Variants in C10orf67 observed in about 807,000 individuals in gnomAD.
The protein encoded by C10orf67 is uncharacterized protein C10orf67, mitochondrial.
Under a neutral mutation model 35.6 loss-of-function variants are expected in C10orf67, and 60 were observed. The ratio of observed to expected loss-of-function variants is 1.68; its 90% CI spans 1.37 to 2.09. C10orf67 has a LOEUF of 2.09. Among genes scored for constraint, C10orf67 ranks in the 30% most tolerant of loss-of-function variants. The pLI, the probability that C10orf67 is intolerant of heterozygous loss-of-function variation, is 0.00. For synonymous variants in C10orf67, 167 were observed against 115.8 expected, an observed-to-expected ratio of 1.44 and a Z score of -2.84; for missense variants, 474 against 330.2, an observed-to-expected ratio of 1.44 and a Z score of -3.38.
At chr10:23,255,548 T>C (rs1237975949) in intron 10 of C10orf67, among the ~76,000 whole-genome samples, 2 of 150,854 alleles carry the variant, frequency 1.3e-5, no homozygotes, top group Non-Finnish European at 3.0e-5. Flanking sequence ...TCCTAGACCT[T>C]GTGTTCATGT....
chr10:23,293,427 G>A (rs1015805520), intron 5 of C10orf67, among the ~76,000 whole-genome samples: 1 of 152,238 alleles, frequency 6.6e-6, no homozygotes, highest in Non-Finnish European at 1.5e-5. Flanking sequence ...GTTCTGAGCT[G>A]CTACGGTGCT....
chr10:23,258,138 G>T, intron 10 of C10orf67: 1 of 152,810 alleles, frequency 6.5e-6, no homozygotes, highest in Non-Finnish European at 1.5e-5. Flanking sequence ...CATCCCCATT[G>T]CCAACCATGG....
chr10:23,241,050 G>T (rs1842165074), intron 12 of C10orf67, among the ~76,000 whole-genome samples: 1 of 152,200 alleles, frequency 6.6e-6, no homozygotes, highest in Non-Finnish European at 1.5e-5. Flanking sequence ...GTAGTGCTTT[G>T]GGCCCAGAAG....
chr10:23,304,521 G>A (rs576937539), intron 4 of C10orf67, among the ~76,000 whole-genome samples: 2 of 152,076 alleles, frequency 1.3e-5, no homozygotes, highest in African/African-American at 2.4e-5. Flanking sequence ...AAGTAGCCCC[G>A]TGACCCAGCT....
intron 2 of C10orf67, among the ~76,000 whole-genome samples, chr10:23,331,177 GGGGAAGGGAAGGGAA>G (rs1228912469): frequency 1.2e-5 from 1 of 84,422 alleles, no homozygotes; most frequent in Admixed American, 1.3e-4. Context: ...GAACCGGGAC[GGGGAAGGGAAGGGAA>G]GGGAAGGGAA....
At chr10:23,225,246 A>G (rs1021637774) in intron 13 of C10orf67, among the ~76,000 whole-genome samples, 1 of 151,794 alleles carries the variant, frequency 6.6e-6, no homozygotes, top group African/African-American at 2.4e-5. Flanking sequence ...TTTTCAACCC[A>G]GAATTTCATA....
chr10:23,289,771 G>C (rs1288031848), intron 7 of C10orf67, 129 bp downstream of exon 7: 1 of 590,052 alleles, frequency 1.7e-6, no homozygotes, highest in Admixed American at 3.1e-5. Context: ...CCAAATAGTG[G>C]GGAGAGATTA....
chr10:23,301,107 A>C (rs1844057304), intron 5 of C10orf67, among the ~76,000 whole-genome samples: 1 of 152,164 alleles, frequency 6.6e-6, no homozygotes, highest in Non-Finnish European at 1.5e-5. Context: ...TCCTCCTCCC[A>C]CTGCTTGGAG....
At chr10:23,231,568 G>A (rs559666823) in intron 13 of C10orf67, among the ~76,000 whole-genome samples, 1 of 152,252 alleles carries the variant, frequency 6.6e-6, no homozygotes, top group South Asian at 2.1e-4. Flanking sequence ...TTAAGTCAGT[G>A]TATTTTTTGT....
intron 15 of C10orf67, among the ~76,000 whole-genome samples, chr10:23,212,331 T>G (rs1306104653): frequency 1.3e-5 from 2 of 152,210 alleles, no homozygotes; most frequent in Non-Finnish European, 2.9e-5. Context: ...ACCTGGTTTG[T>G]GGTAGCTTGT....
At chr10:23,205,577 T>TTAG (rs1440804406) in intron 15 of C10orf67, among the ~76,000 whole-genome samples, 2 of 152,206 alleles carry the variant, frequency 1.3e-5, no homozygotes, top group Non-Finnish European at 2.9e-5. Flanking sequence ...AGTGGAAACT[T>TTAG]GCTAGAGTTA....
At chr10:23,336,286 T>C (rs1845678292) in intron 1 of C10orf67, among the ~76,000 whole-genome samples, 1 of 151,950 alleles carries the variant, frequency 6.6e-6, no homozygotes, top group South Asian at 2.1e-4. Context: ...ATGGGAAGAA[T>C]TGGTATGAAT....
intron 15 of C10orf67, among the ~76,000 whole-genome samples, chr10:23,216,533 G>A (rs1338591514): frequency 6.6e-6 from 1 of 152,006 alleles, no homozygotes; most frequent in Non-Finnish European, 1.5e-5. Flanking sequence ...ATGAGAAATA[G>A]CAGCTATTTA....
chr10:23,322,633 G>C, intron 2 of C10orf67, 96 bp from the exon 3 acceptor site: 1 of 731,808 alleles, frequency 1.4e-6, no homozygotes, highest in Non-Finnish European at 2.2e-6. Context: ...AAAATGATGA[G>C]AACTCATGTG....
At chr10:23,315,434 T>C (rs561004721) in intron 4 of C10orf67, among the ~76,000 whole-genome samples, 2 of 152,200 alleles carry the variant, frequency 1.3e-5, no homozygotes, top group Admixed American at 6.5e-5. Flanking sequence ...TTTTTGTTTT[T>C]TGTTTGTTTG....
rs534627234 is a variant in C10orf67, at chr10:23,300,011, G to A, written c.702+3293C>T. Among the ~76,000 whole-genome samples, 6 of 151,378 alleles carry A rather than the reference G, an allele frequency of 4.0e-5. No individual in the cohort carries two copies. In the East Asian group the frequency reaches 5.8e-4, roughly 15 times the overall value. On this transcript the variant is annotated intron_variant, in intron 5 of 15. Transcript: ENST00000636213. ...AAAAAAAAATTACTGAGAAGTCTGT[G>A]CCAGTGTCCAGGAGACAGTTAACCT... is the stretch of plus-strand genomic sequence containing the variant.
chr10:23,322,483 T>C lies in C10orf67; in HGVS notation c.382A>G (p.Lys128Glu). The C allele has an allele frequency of 6.2e-7, 1 of 1,612,630 alleles. No homozygotes were observed. The highest frequency in any genetic ancestry group is 8.5e-7 in the Non-Finnish European group (1 of 1,178,740). ...FGFLKQLLQL[K>E]FEDRLKEESL... ...TCCTCTTTCAGTCGGTCCTCAAACT[T>C]CAACTGAAGCAATTGTTTGAGGAAC... Residue 128 changes from lysine to glutamate, a missense_variant, in exon 3 of 16, where the codon AAG becomes GAG. By Grantham distance (56) the Lys-to-Glu change is moderately conservative. Transcript: ENST00000636213.
At chr10:23,261,248 C>T (rs1191731652) in intron 10 of C10orf67, among the ~76,000 whole-genome samples, 2 of 152,204 alleles carry the variant, frequency 1.3e-5, no homozygotes, top group Admixed American at 1.3e-4. Context: ...TACACACACA[C>T]ACACGCAACA....
At position 23,344,562 on chromosome 10, in the gene C10orf67, A is replaced by C. The variant is rs757806040; in HGVS notation, c.206+7T>G. The C allele has an allele frequency of 6.4e-7, 1 of 1,569,082 alleles. No homozygotes were observed. The highest frequency in any genetic ancestry group is 2.4e-5 in the East Asian group (1 of 42,264). ...CCTCCTCTACCCAGGCGCGGAGCTC[A>C]GCCTACCTCGTGGACCCGCGCATTT... On this transcript the variant is annotated splice_region_variant and intron_variant, in intron 1 of 15. Coordinates refer to ENST00000636213, the MANE Select transcript of C10orf67 (RefSeq NM_001371909.1).
Sources: gnomAD v4.1 joint callset for allele counts (sites outside exome capture counted in the v4.1 genomes callset) on GRCh38, gnomAD v4.1.1 for gene constraint, MANE v1.5 for transcripts, NCBI Gene and HGNC (gene_info 2026-07-23, HGNC 2026-07-21) for gene names.